The following BMP6 variants were observed in gnomAD, a reference collection of about 807,000 sequenced individuals.
The protein encoded by BMP6 is bone morphogenetic protein 6.
Under a neutral mutation model 54.1 loss-of-function variants are expected in BMP6, and 17 were observed. The ratio of observed to expected loss-of-function variants is 0.31; its 90% CI spans 0.22 to 0.47. The LOEUF is 0.47. BMP6 is among the 20% of genes least tolerant of loss of function. The pLI is 1.00. For missense variants in BMP6, 720 were observed against 690.4 expected, an observed-to-expected ratio of 1.04 and a Z score of -0.48; for synonymous variants, 328 against 291.2, an observed-to-expected ratio of 1.13 and a Z score of -1.28.
In BMP6 at chr6:7,880,614, C is replaced by A. The variant is rs894056445; in HGVS notation, c.*271C>A. ...ACTGCAGAAACATAACCGTGAAGCT[C>A]TTCCTACCCTCCTCCCCCAAAAACC... On this transcript the variant is annotated 3_prime_UTR_variant, in exon 7 of 7. Transcript: ENST00000283147. The A allele has an allele frequency of 1.3e-5, 6 of 468,964 alleles. No homozygotes were observed. The highest frequency in any genetic ancestry group is 1.2e-4 in the African/African-American group (6 of 51,712). 29.1% of individuals were successfully genotyped at this position (468,964 alleles called of 1,614,324 possible).
chr6:7,816,752 ATT>A (rs965137956), intron 1 of BMP6, among the ~76,000 whole-genome samples: 2 of 152,012 alleles, frequency 1.3e-5, no homozygotes, highest in African/African-American at 4.8e-5. Context: ...TTTTTCTTCT[ATT>A]TTTTAACCCT....
chr6:7,746,264 T>A (rs1757345804), intron 1 of BMP6, among the ~76,000 whole-genome samples: 1 of 152,144 alleles, frequency 6.6e-6, no homozygotes, highest in African/African-American at 2.4e-5. Context: ...TGCTGAGGGA[T>A]AATGAAGCCA....
At chr6:7,830,805 G>A (rs138544938) in intron 1 of BMP6, among the ~76,000 whole-genome samples, 5 of 152,064 alleles carry the variant, frequency 3.3e-5, no homozygotes, top group South Asian at 2.1e-4. Flanking sequence ...AGAACAGCAC[G>A]GGAAAACCCA....
At chr6:7,734,841 A>G (rs1761928473) in intron 1 of BMP6, among the ~76,000 whole-genome samples, 1 of 152,242 alleles carries the variant, frequency 6.6e-6, no homozygotes, top group African/African-American at 2.4e-5. Context: ...GCACAGTCCC[A>G]GATGACTGGG....
chr6:7,860,798 G>A (rs1759320767), intron 2 of BMP6, among the ~76,000 whole-genome samples: 1 of 152,092 alleles, frequency 6.6e-6, no homozygotes, highest in South Asian at 2.1e-4. Context: ...GTGGCTTCTT[G>A]TTTCTCCTTA....
chr6:7,780,771 G>T (rs1221658237), intron 1 of BMP6, among the ~76,000 whole-genome samples: 1 of 151,912 alleles, frequency 6.6e-6, no homozygotes, highest in Non-Finnish European at 1.5e-5. Context: ...GAGTGCAGTG[G>T]TGCAGTCTCA....
At chr6:7,865,790 T>A (rs1383880825) in intron 4 of BMP6, among the ~76,000 whole-genome samples, 1 of 152,150 alleles carries the variant, frequency 6.6e-6, no homozygotes, top group Non-Finnish European at 1.5e-5. Context: ...TGCCCCCTTC[T>A]TCCATGGCGT....
chr6:7,771,487 CATT>C (rs1313000256), intron 1 of BMP6, among the ~76,000 whole-genome samples: 2 of 152,216 alleles, frequency 1.3e-5, no homozygotes, highest in Non-Finnish European at 2.9e-5. Flanking sequence ...TAATTGCTGT[CATT>C]ATCCCCACTT....
chr6:7,838,092 T>C (rs1030182956), intron 1 of BMP6, among the ~76,000 whole-genome samples: 3 of 152,172 alleles, frequency 2.0e-5, no homozygotes, highest in African/African-American at 7.2e-5. Flanking sequence ...ATCCACAGTT[T>C]CGGTTTCCAC....
intron 2 of BMP6, among the ~76,000 whole-genome samples, chr6:7,856,930 A>G (rs1483535010): frequency 1.3e-5 from 2 of 152,156 alleles, no homozygotes; most frequent in Admixed American, 6.5e-5. Flanking sequence ...GGTTAGTAGT[A>G]AACACTGTTG....
chr6:7,776,609 A>G (rs1757863344), intron 1 of BMP6, among the ~76,000 whole-genome samples: 6 of 152,138 alleles, frequency 3.9e-5, no homozygotes, highest in Admixed American at 3.9e-4. Context: ...CCCCAACTTT[A>G]CTATTGGTAG....
intron 2 of BMP6, among the ~76,000 whole-genome samples, chr6:7,856,079 A>G (rs1429424639): frequency 8.3e-5 from 12 of 144,484 alleles, no homozygotes; most frequent in Non-Finnish European, 1.5e-4. Context: ...TCTTCATACC[A>G]TGCTAGCCAT....
At chr6:7,739,832 G>A (rs968010912) in intron 1 of BMP6, among the ~76,000 whole-genome samples, 1 of 152,076 alleles carries the variant, frequency 6.6e-6, no homozygotes, top group Admixed American at 6.5e-5. Flanking sequence ...CTTTCCAAAA[G>A]CCTTGATCAT....
intron 1 of BMP6, among the ~76,000 whole-genome samples, chr6:7,836,997 A>C (rs1379617175): frequency 6.6e-6 from 1 of 152,248 alleles, no homozygotes; most frequent in Admixed American, 6.5e-5. Flanking sequence ...AAAAAATTTC[A>C]AGTTTGGTGT....
intron 1 of BMP6, among the ~76,000 whole-genome samples, chr6:7,769,011 T>G (rs957515589): frequency 6.6e-6 from 1 of 152,292 alleles, no homozygotes. Context: ...GCATAACAGC[T>G]TTACTGACTA....
intron 1 of BMP6, among the ~76,000 whole-genome samples, chr6:7,830,814 C>T (rs1758782105): frequency 6.6e-6 from 1 of 152,012 alleles, no homozygotes; most frequent in Non-Finnish European, 1.5e-5. Context: ...CGGGAAAACC[C>T]ACCCCCACGA....
intron 1 of BMP6, among the ~76,000 whole-genome samples, chr6:7,818,641 CACAA>C (rs1485145746): frequency 6.6e-6 from 1 of 152,204 alleles, no homozygotes; most frequent in Non-Finnish European, 1.5e-5. Context: ...CTGTCTCCAT[CACAA>C]ACAAAGCCAG....
chr6:7,739,103 A>C (rs1762004404), intron 1 of BMP6, among the ~76,000 whole-genome samples: 1 of 152,182 alleles, frequency 6.6e-6, no homozygotes, highest in African/African-American at 2.4e-5. Context: ...TGATTTTGGG[A>C]AATAATAATA....
In BMP6 at chr6:7,802,536, G is replaced by T. The variant is rs569694661; in HGVS notation, c.665-42604G>T. Among the ~76,000 whole-genome samples the T allele has an allele frequency of 4.1e-4, 62 of 152,336 alleles. 1 individual carries two copies. The highest frequency in any genetic ancestry group is 6.8e-3 in the Middle Eastern group (2 of 294). Reference sequence around the variant, plus strand: ...TCAAAATTAATGGAACAGGCCCACCGTTCAGCATGACACTAGATTTGTGGC... The same window carrying T: ...TCAAAATTAATGGAACAGGCCCACCTTTCAGCATGACACTAGATTTGTGGC... On this transcript the variant is annotated intron_variant, in intron 1 of 6. Transcript: ENST00000283147.
Sources: gnomAD v4.1 joint callset for allele counts (sites outside exome capture counted in the v4.1 genomes callset) on GRCh38, gnomAD v4.1.1 for gene constraint, MANE v1.5 for transcripts, NCBI Gene and HGNC (gene_info 2026-07-23, HGNC 2026-07-21) for gene names.